USP10: variants seen among roughly 807,000 people sequenced by gnomAD.
USP10 encodes ubiquitin specific peptidase 10.
USP10 carries 22 observed loss-of-function variants against 84.5 expected under a neutral mutation model. The observed-to-expected ratio is 0.26, with a 90% CI of 0.19 to 0.37. The LOEUF is 0.37. Among genes scored for constraint, USP10 ranks in the 10% least tolerant of loss-of-function variants. The probability of loss-of-function intolerance (pLI) is 1.00; values close to 1 mark genes in which losing one functional copy is unlikely to be tolerated. For missense variants in USP10, 1,019 were observed against 998.9 expected, an observed-to-expected ratio of 1.02 and a Z score of -0.27; for synonymous variants, 454 against 387.6, an observed-to-expected ratio of 1.17 and a Z score of -2.01.
intron 9 of USP10, 127 bp downstream of exon 9, chr16:84,763,215 C>A: frequency 1.9e-6 from 1 of 522,660 alleles, no homozygotes; most frequent in Non-Finnish European, 3.5e-6. Flanking sequence ...TTATTCCCTA[C>A]GATAACTTAC....
At chr16:84,729,814 A>C (rs1908979508) in intron 1 of USP10, among the ~76,000 whole-genome samples, 1 of 152,214 alleles carries the variant, frequency 6.6e-6, no homozygotes, top group Admixed American at 6.5e-5. Context: ...TGGAGTTCAA[A>C]ACAGCCGTGG....
intron 1 of USP10, chr16:84,716,147 C>T (rs531045494): frequency 2.6e-5 from 4 of 152,364 alleles, no homozygotes; most frequent in Non-Finnish European, 5.9e-5. Flanking sequence ...GGCCAGTTCG[C>T]TACTGTCCCA....
chr16:84,734,345 T>G (rs561966745), intron 2 of USP10, among the ~76,000 whole-genome samples: 2 of 152,236 alleles, frequency 1.3e-5, no homozygotes, highest in African/African-American at 2.4e-5. Flanking sequence ...TGGACTCTCA[T>G]TGTTTTAATT....
chr16:84,700,769 C>T (rs1372750220), intron 1 of USP10, among the ~76,000 whole-genome samples: 1 of 152,154 alleles, frequency 6.6e-6, no homozygotes, highest in Non-Finnish European at 1.5e-5. Flanking sequence ...GCCAGGCTGA[C>T]AACTAACGCA....
intron 1 of USP10, chr16:84,704,670 A>G (rs1905253544): frequency 6.2e-6 from 9 of 1,448,432 alleles, no homozygotes; most frequent in Non-Finnish European, 8.2e-6. Context: ...AGAATTTATC[A>G]TAAACCTCGA....
chr16:84,727,253 T>G (rs1192272570), intron 1 of USP10, among the ~76,000 whole-genome samples: 3 of 152,232 alleles, frequency 2.0e-5, no homozygotes, highest in Non-Finnish European at 4.4e-5. Context: ...GGCATTTCCC[T>G]CTTCACTAGG....
At chr16:84,759,786 C>T in intron 6 of USP10, 105 bp from the exon 7 acceptor site, 1 of 1,194,152 alleles carries the variant, frequency 8.4e-7, no homozygotes, top group South Asian at 1.3e-5. Flanking sequence ...TACCTAAAAT[C>T]TACTATACTC....
At chr16:84,775,414 T>G (rs1320705951) in intron 13 of USP10, among the ~76,000 whole-genome samples, 189 bp downstream of exon 13, 1 of 152,202 alleles carries the variant, frequency 6.6e-6, no homozygotes, top group Non-Finnish European at 1.5e-5. Context: ...ATTATCATCT[T>G]GGCCCTGAGG....
chr16:84,726,631 TC>T (rs1908518577), intron 1 of USP10, among the ~76,000 whole-genome samples: 1 of 152,232 alleles, frequency 6.6e-6, no homozygotes, highest in African/African-American at 2.4e-5. Flanking sequence ...TATATTTTTT[TC>T]CACATCCTCT....
chr16:84,727,785 T>C (rs1302419232), intron 1 of USP10, among the ~76,000 whole-genome samples: 4 of 152,254 alleles, frequency 2.6e-5, no homozygotes, highest in African/African-American at 9.6e-5. Flanking sequence ...TCCTAAATTC[T>C]TGAATGTGTA....
At chr16:84,776,404 C>G (rs1351209334) in intron 13 of USP10, among the ~76,000 whole-genome samples, 1 of 151,982 alleles carries the variant, frequency 6.6e-6, no homozygotes, top group African/African-American at 2.4e-5. Flanking sequence ...ATTCATTGTT[C>G]CTTTTGACTC....
chr16:84,734,595 T>G (rs1046659590), intron 2 of USP10, among the ~76,000 whole-genome samples: 3 of 152,210 alleles, frequency 2.0e-5, no homozygotes, highest in Non-Finnish European at 4.4e-5. Flanking sequence ...GTTGGGTTTT[T>G]TTGTTGTTGT....
At position 84,749,317 on chromosome 16, in the gene USP10, T is replaced by C. The variant is rs116132888; in HGVS notation, c.1192+3644T>C. Among the ~76,000 whole-genome samples, 630 of 152,354 alleles carry C rather than the reference T, an allele frequency of 4.1e-3. 8 individuals carry two copies. The highest frequency in any genetic ancestry group is 0.014 in the African/African-American group (601 of 41,586). The stretch of plus-strand genomic sequence containing the variant: ...TTATTTTAAGCAGCGTTTAACTGAG[T>C]GAAAGTCTAGTTTCATTAAAAGATC... On this transcript the variant is annotated intron_variant, in intron 4 of 13. Coordinates refer to ENST00000219473, the MANE Select transcript of USP10 (RefSeq NM_005153.3).
intron 1 of USP10, among the ~76,000 whole-genome samples, chr16:84,713,062 T>G (rs1906518721): frequency 6.6e-6 from 1 of 152,216 alleles, no homozygotes; most frequent in Admixed American, 6.5e-5. Context: ...AGCCAGCCTT[T>G]CCAGTACAGG....
At chr16:84,720,851 G>A (rs1485183626) in intron 1 of USP10, among the ~76,000 whole-genome samples, 1 of 150,244 alleles carries the variant, frequency 6.7e-6, no homozygotes, top group Non-Finnish European at 1.5e-5. Context: ...CAAAGTGCTG[G>A]GATTACAGTC....
At chr16:84,702,798 G>A (rs966924505) in intron 1 of USP10, among the ~76,000 whole-genome samples, 1 of 151,850 alleles carries the variant, frequency 6.6e-6, no homozygotes, top group Non-Finnish European at 1.5e-5. Context: ...TTCGAGATCA[G>A]CCTGACCAAT....
intron 1 of USP10, among the ~76,000 whole-genome samples, chr16:84,732,122 G>A (rs1001637815): frequency 1.3e-5 from 2 of 152,182 alleles, no homozygotes; most frequent in African/African-American, 2.4e-5. Flanking sequence ...CTCCAGAAAC[G>A]TTTTCCCTGT....
chr16:84,776,252 G>A (rs965319338), intron 13 of USP10, among the ~76,000 whole-genome samples: 2 of 152,172 alleles, frequency 1.3e-5, no homozygotes, highest in African/African-American at 4.8e-5. Flanking sequence ...CGATGTTTTA[G>A]GAAGTTTGGC....
At chr16:84,708,149 A>G (rs1224425208) in intron 1 of USP10, among the ~76,000 whole-genome samples, 1 of 151,104 alleles carries the variant, frequency 6.6e-6, no homozygotes, top group Non-Finnish European at 1.5e-5. Context: ...TCCGGTGTTC[A>G]TAGTGTAAAA....
Sources: gnomAD v4.1 joint callset for allele counts (sites outside exome capture counted in the v4.1 genomes callset) on GRCh38, gnomAD v4.1.1 for gene constraint, MANE v1.5 for transcripts, NCBI Gene and HGNC (gene_info 2026-07-23, HGNC 2026-07-21) for gene names.